The following DNAH14 variants were observed in gnomAD, a reference collection of about 807,000 sequenced individuals.
The protein encoded by DNAH14 is dynein axonemal heavy chain 14.
Under a neutral mutation model 520.9 loss-of-function variants are expected in DNAH14, and 478 were observed. The ratio of observed to expected loss-of-function variants is 0.92; its 90% CI spans 0.85 to 0.99. DNAH14 has a LOEUF of 0.99. Among genes scored for constraint, DNAH14 ranks in the 50% least tolerant of loss-of-function variants. DNAH14 has a pLI of 0.00. For synonymous variants in DNAH14, 1,581 were observed against 1,757.2 expected (o/e 0.90, Z 2.51); for missense variants, 4,831 against 5,234.5 (o/e 0.92, Z 2.38).
intron 20 of DNAH14, among the ~76,000 whole-genome samples, chr1:225,083,897 A>G (rs1444966547): frequency 6.6e-6 from 1 of 152,182 alleles, no homozygotes; most frequent in Admixed American, 6.5e-5. Context: ...GTCTTGGGTT[A>G]TTGGAACTAT....
chr1:225,100,410 C>A (rs1415680122), intron 22 of DNAH14, among the ~76,000 whole-genome samples: 12 of 152,150 alleles, frequency 7.9e-5, no homozygotes, highest in Admixed American at 7.2e-4. Context: ...TGTTTTATTA[C>A]ATTTCTTAGG....
intron 47 of DNAH14, among the ~76,000 whole-genome samples, chr1:225,264,731 A>G (rs2093054366): frequency 6.6e-6 from 1 of 152,118 alleles, no homozygotes; most frequent in Non-Finnish European, 1.5e-5. Context: ...CAAGAGGAAA[A>G]GATGGAATGG....
At chr1:225,208,686 G>A (rs1484755439) in intron 41 of DNAH14, among the ~76,000 whole-genome samples, 8 of 152,096 alleles carry the variant, frequency 5.3e-5, no homozygotes, top group Non-Finnish European at 1.2e-4. Flanking sequence ...TAGGATCCTG[G>A]AGTATTTAAA....
intron 38 of DNAH14, among the ~76,000 whole-genome samples, chr1:225,199,938 TC>T (rs1291510079): frequency 6.6e-6 from 1 of 152,176 alleles, no homozygotes; most frequent in Non-Finnish European, 1.5e-5. Flanking sequence ...AGTATTGAAG[TC>T]CCCCATTATT....
chr1:225,311,919 G>T (rs966092166), intron 60 of DNAH14, among the ~76,000 whole-genome samples: 1 of 152,098 alleles, frequency 6.6e-6, no homozygotes, highest in African/African-American at 2.4e-5. Context: ...GATTGTCTTG[G>T]ATATACAGGC....
chr1:224,964,495 T>C lies in DNAH14; in HGVS notation c.384T>C (p.Asp128=). 6.2e-7 allele frequency: 1 copy of C among 1,608,956 alleles called. No individual in the cohort carries two copies. Among genetic ancestry groups the C allele is most frequent in the Non-Finnish European group, 8.5e-7 (1 of 1,177,064 alleles). The change falls in exon 5 of 86, where the codon GAT becomes GAC. Residue 128 remains aspartate (D), a synonymous_variant. Coordinates refer to ENST00000682510, the MANE Select transcript of DNAH14 (RefSeq NM_001367479.1). ...CTATACCAGAACCAAAAGATGATGA[T>C]GTGATAAGAAATATTATTAGGCTAC... ...SYDRTEPKDD[D]VIRNIIRLRE... is the part of the protein sequence containing the mutation.
At chr1:225,218,145 C>T (rs1317542840) in intron 41 of DNAH14, among the ~76,000 whole-genome samples, 3 of 152,120 alleles carry the variant, frequency 2.0e-5, no homozygotes, top group African/African-American at 7.2e-5. Flanking sequence ...CTTACAAGAG[C>T]TCCTGAAGGA....
intron 7 of DNAH14, 54 bp from the exon 8 acceptor site, chr1:224,974,037 C>T: frequency 2.5e-6 from 3 of 1,184,742 alleles, no homozygotes; most frequent in Non-Finnish European, 3.4e-6. Flanking sequence ...AAATTTATTC[C>T]ATATAAATAC....
At chr1:225,282,738 T>C (rs2093653992) in intron 54 of DNAH14, among the ~76,000 whole-genome samples, 1 of 152,156 alleles carries the variant, frequency 6.6e-6, no homozygotes, top group African/African-American at 2.4e-5. Context: ...TTACTGAGGG[T>C]TGCTAAGGGA....
intron 55 of DNAH14, among the ~76,000 whole-genome samples, chr1:225,291,737 GCTATTTTTTGT>G (rs1375929341): frequency 1.3e-5 from 2 of 151,998 alleles, no homozygotes; most frequent in Non-Finnish European, 2.9e-5. Context: ...ACCATCATTT[GCTATTTTTTGT>G]CTATTTGATG....
chr1:225,290,334 T>C (rs2093839297), intron 55 of DNAH14, among the ~76,000 whole-genome samples: 2 of 152,044 alleles, frequency 1.3e-5, no homozygotes, highest in South Asian at 4.1e-4. Context: ...GTCATTATCT[T>C]GTTCATTTTA....
chr1:225,306,699 C>G (rs1459928424), intron 58 of DNAH14, among the ~76,000 whole-genome samples: 2 of 152,154 alleles, frequency 1.3e-5, no homozygotes, highest in Non-Finnish European at 2.9e-5. Context: ...TAGTTTCTTC[C>G]TTACATACCT....
intron 80 of DNAH14, among the ~76,000 whole-genome samples, chr1:225,381,036 T>A (rs1193857917): frequency 2.6e-5 from 4 of 152,176 alleles, no homozygotes; most frequent in Non-Finnish European, 5.9e-5. Flanking sequence ...AAAGAAGGAA[T>A]ATAGTTTGTG....
intron 11 of DNAH14, among the ~76,000 whole-genome samples, chr1:225,034,196 G>A (rs1355721676): frequency 2.0e-5 from 3 of 152,106 alleles, no homozygotes; most frequent in African/African-American, 7.2e-5. Flanking sequence ...TTAGCTGTGG[G>A]TTTGTCATAG....
chr1:225,171,549 A>G (rs1247509197), intron 36 of DNAH14, among the ~76,000 whole-genome samples: 2 of 152,180 alleles, frequency 1.3e-5, no homozygotes, highest in African/African-American at 2.4e-5. Flanking sequence ...CGACACATAC[A>G]CCCTCCCAAG....
intron 57 of DNAH14, among the ~76,000 whole-genome samples, chr1:225,304,417 G>T (rs762939456): frequency 2.6e-5 from 4 of 152,006 alleles, no homozygotes; most frequent in Non-Finnish European, 4.4e-5. Context: ...AATTAGCCAG[G>T]TGTGGTGGCA....
At chr1:225,203,395 A>G (rs1573962061) in intron 38 of DNAH14, among the ~76,000 whole-genome samples, 2 of 152,234 alleles carry the variant, frequency 1.3e-5, no homozygotes, top group South Asian at 2.1e-4. Flanking sequence ...ATTGATTACT[A>G]TTTGCTGGGA....
rs192970784 is a variant in DNAH14 at position 224,934,943 on chromosome 1, A to C, written c.-34+5108A>C. Among the ~76,000 whole-genome samples, 7 of 151,982 alleles carry C rather than the reference A, an allele frequency of 4.6e-5. No homozygotes were observed. In the East Asian group the frequency reaches 1.4e-3, roughly 29 times the overall value. On this transcript the variant is annotated intron_variant, in intron 1 of 85. Transcript: ENST00000682510. ...GCTAAAATGAAGTGAAGGAGAAATGAAGTCATTCCTAGACAAATGCTGAAG... is the reference window on the plus strand; with the variant it reads ...GCTAAAATGAAGTGAAGGAGAAATGCAGTCATTCCTAGACAAATGCTGAAG...
At chr1:225,357,327 A>G (rs1251773950) in intron 73 of DNAH14, among the ~76,000 whole-genome samples, 1 of 152,136 alleles carries the variant, frequency 6.6e-6, no homozygotes, top group African/African-American at 2.4e-5. Context: ...AAAAAAAAAA[A>G]TAGTCCTCAA....
Sources: gnomAD v4.1 joint callset for allele counts (sites outside exome capture counted in the v4.1 genomes callset) on GRCh38, gnomAD v4.1.1 for gene constraint, MANE v1.5 for transcripts, NCBI Gene and HGNC (gene_info 2026-07-23, HGNC 2026-07-21) for gene names.